STAU2: variants seen among roughly 807,000 people sequenced by gnomAD.
STAU2 encodes double-stranded RNA-binding protein Staufen homolog 2.
In STAU2, 20 loss-of-function variants were observed where a neutral mutation model predicts 65.9. That is an observed-to-expected ratio of 0.30 (90% confidence interval 0.21 to 0.44). STAU2 has a LOEUF of 0.44. Ranked by LOEUF, STAU2 falls within the 20% of genes least tolerant of loss-of-function variation. The pLI, the probability that STAU2 is intolerant of heterozygous loss-of-function variation, is 1.00. For missense variants in STAU2, 558 were observed against 683.9 expected (o/e 0.82, Z 2.05); for synonymous variants, 232 against 233.9 (o/e 0.99, Z 0.07).
At chr8:73,693,854 T>C (rs566327758) in intron 4 of STAU2, among the ~76,000 whole-genome samples, 5 of 152,346 alleles carry the variant, frequency 3.3e-5, no homozygotes, top group Admixed American at 6.5e-5. Flanking sequence ...TAAGAACACA[T>C]GGTTAGTTGT....
chr8:73,595,878 C>T (rs571458491), intron 10 of STAU2, among the ~76,000 whole-genome samples: 1 of 152,168 alleles, frequency 6.6e-6, no homozygotes, highest in East Asian at 1.9e-4. Flanking sequence ...CTTTGGGAGG[C>T]CAAGGCAGGA....
chr8:73,654,658 A>AAAAAAAAAAAAAAAAAAAAAC (rs1816179525), intron 6 of STAU2, among the ~76,000 whole-genome samples: 1 of 141,914 alleles, frequency 7.0e-6, no homozygotes, highest in Non-Finnish European at 1.5e-5. Context: ...AAAAAAAAAA[A>AAAAAAAAAAAAAAAAAAAAAC]AAAGAACTCT....
chr8:73,547,388 T>C (rs1807006723), intron 13 of STAU2, among the ~76,000 whole-genome samples: 1 of 152,148 alleles, frequency 6.6e-6, no homozygotes, highest in Non-Finnish European at 1.5e-5. Flanking sequence ...TAAAATGAGC[T>C]GATCTACAAT....
intron 6 of STAU2, among the ~76,000 whole-genome samples, chr8:73,662,170 T>C (rs1028753092): frequency 3.3e-5 from 5 of 152,358 alleles, no homozygotes; most frequent in South Asian, 4.1e-4. Flanking sequence ...CATCTTTTCA[T>C]GTGTTTATTA....
chr8:73,424,587 CCA>C (rs1816658059), intron 13 of STAU2, among the ~76,000 whole-genome samples: 2 of 152,052 alleles, frequency 1.3e-5, no homozygotes, highest in African/African-American at 4.8e-5. Flanking sequence ...CATGGATGCA[CCA>C]CAGTTTGTCC....
chr8:73,668,258 C>T (rs1240170660), intron 6 of STAU2, among the ~76,000 whole-genome samples: 1 of 152,064 alleles, frequency 6.6e-6, no homozygotes, highest in African/African-American at 2.4e-5. Context: ...GAAACAAGAG[C>T]TAGAAAGAGA....
intron 4 of STAU2, among the ~76,000 whole-genome samples, chr8:73,704,333 C>T (rs1477913517): frequency 1.3e-5 from 2 of 152,094 alleles, no homozygotes; most frequent in Admixed American, 1.3e-4. Flanking sequence ...GAGACATAGC[C>T]ACCAAATGTA....
intron 13 of STAU2, among the ~76,000 whole-genome samples, chr8:73,430,160 T>C (rs1817155020): frequency 2.0e-5 from 3 of 152,236 alleles, no homozygotes; most frequent in Admixed American, 2.0e-4. Context: ...ATTTCTTACT[T>C]TCCTGTGGTT....
chr8:73,470,627 G>A (rs1389130332), intron 13 of STAU2, among the ~76,000 whole-genome samples: 1 of 152,008 alleles, frequency 6.6e-6, no homozygotes, highest in Non-Finnish European at 1.5e-5. Flanking sequence ...GCGAGATCCT[G>A]TCTCTACAAA....
chr8:73,634,548 A>C (rs1814352475), intron 6 of STAU2, among the ~76,000 whole-genome samples: 1 of 152,136 alleles, frequency 6.6e-6, no homozygotes, highest in Non-Finnish European at 1.5e-5. Context: ...AAATAAAAAA[A>C]CCTACATTGG....
At chr8:73,434,820 GCT>G (rs1817576721) in intron 13 of STAU2, among the ~76,000 whole-genome samples, 1 of 151,670 alleles carries the variant, frequency 6.6e-6, no homozygotes, top group African/African-American at 2.4e-5. Context: ...TCAGCCCATT[GCT>G]CTCTCACTTG....
intron 12 of STAU2, among the ~76,000 whole-genome samples, chr8:73,579,608 A>C (rs185151753): frequency 2.0e-5 from 3 of 152,348 alleles, no homozygotes; most frequent in Admixed American, 2.0e-4. Flanking sequence ...ATCTGTAAAA[A>C]TCTAGTTTTT....
chr8:73,496,420 G>A (rs1428174110), intron 13 of STAU2, among the ~76,000 whole-genome samples: 1 of 151,620 alleles, frequency 6.6e-6, no homozygotes, highest in Non-Finnish European at 1.5e-5. Flanking sequence ...ACAACTGAAG[G>A]AAGTGTGCTA....
chr8:73,556,897 TG>T (rs1392741256), intron 12 of STAU2, among the ~76,000 whole-genome samples: 1 of 152,176 alleles, frequency 6.6e-6, no homozygotes, highest in Non-Finnish European at 1.5e-5. Context: ...GTAGACATTA[TG>T]TGCAGTTTAT....
intron 12 of STAU2, 58 bp from the exon 13 acceptor site, chr8:73,552,377 A>G: frequency 6.9e-7 from 1 of 1,443,866 alleles, no homozygotes; most frequent in Non-Finnish European, 9.3e-7. Flanking sequence ...ATAGAAACAT[A>G]GCATTATTAA....
At chr8:73,592,774 G>A (rs1041924774) in intron 11 of STAU2, among the ~76,000 whole-genome samples, 14 of 152,134 alleles carry the variant, frequency 9.2e-5, no homozygotes, top group African/African-American at 2.4e-4. Context: ...AGGGAGAATC[G>A]CTTGAACCTG....
intron 13 of STAU2, among the ~76,000 whole-genome samples, chr8:73,472,089 T>C (rs759737929): frequency 6.6e-6 from 1 of 152,190 alleles, no homozygotes; most frequent in Non-Finnish European, 1.5e-5. Context: ...TCGCCTTTCA[T>C]CAGTGTGTGG....
chr8:73,722,474 G>A (rs951058864), intron 3 of STAU2, among the ~76,000 whole-genome samples: 1 of 152,108 alleles, frequency 6.6e-6, no homozygotes, highest in Non-Finnish European at 1.5e-5. Flanking sequence ...CTGCTTCTGT[G>A]TTGTAAACAT....
chr8:73,450,506 C>T (rs1478129336), intron 13 of STAU2, among the ~76,000 whole-genome samples: 1 of 152,084 alleles, frequency 6.6e-6, no homozygotes, highest in Non-Finnish European at 1.5e-5. Context: ...AGTAATAAGA[C>T]GTTTGGGGGC....
Sources: allele counts gnomAD v4.1 joint callset (sites outside exome capture counted in the v4.1 genomes callset), GRCh38; gene constraint gnomAD v4.1.1; transcripts MANE v1.5; gene names NCBI Gene and HGNC (gene_info 2026-07-23, HGNC 2026-07-21).